Variants in SEPTIN14 observed in about 807,000 individuals in gnomAD.
The protein encoded by SEPTIN14 is septin-14.
Under a neutral mutation model 53.6 loss-of-function variants are expected in SEPTIN14, and 40 were observed. The observed-to-expected ratio is 0.75, with a 90% CI of 0.58 to 0.97. SEPTIN14 has a LOEUF of 0.97. Ranked by LOEUF, SEPTIN14 falls within the 50% of genes least tolerant of loss-of-function variation. SEPTIN14 has a pLI of 0.00. For missense variants in SEPTIN14, 471 were observed against 508.2 expected (o/e 0.93, Z 0.70); for synonymous variants, 138 against 166.8 (o/e 0.83, Z 1.33).
chr7:55,820,392 A>C (rs1345835457), intron 6 of SEPTIN14, among the ~76,000 whole-genome samples: 2 of 152,246 alleles, frequency 1.3e-5, no homozygotes, highest in East Asian at 3.8e-4. Flanking sequence ...GGTGTAAATT[A>C]TAAGAAAAGA....
chr7:55,834,313 A>G (rs1383364997), intron 6 of SEPTIN14, 112 bp downstream of exon 6: 1 of 680,374 alleles, frequency 1.5e-6, no homozygotes, highest in Non-Finnish European at 2.3e-6. Flanking sequence ...TTTACAAAGA[A>G]TCGATTCTCA....
At chr7:55,836,126 G>C (rs752586647) in intron 5 of SEPTIN14, among the ~76,000 whole-genome samples, 6 of 152,086 alleles carry the variant, frequency 3.9e-5, no homozygotes, top group Non-Finnish European at 8.8e-5. Flanking sequence ...AAACAAATAT[G>C]TTCATTTTTC....
intron 2 of SEPTIN14, among the ~76,000 whole-genome samples, chr7:55,860,125 G>A (rs770562214): frequency 1.3e-4 from 20 of 151,206 alleles, no homozygotes; most frequent in South Asian, 8.4e-4. Context: ...GTTGCAGTGA[G>A]CTGAGATCAT....
Position 55,819,130 on chromosome 7 carries a change from G to A in SEPTIN14, c.814C>T (p.Gln272Ter), listed in dbSNP as rs751720698. Residue 272 changes from glutamine (Q) to a stop codon, truncating the protein, a stop_gained, in exon 7 of 10, where the codon CAA (glutamine) becomes TAA (stop). Coordinates refer to ENST00000388975, the MANE Select transcript of SEPTIN14 (RefSeq NM_207366.3). LOFTEE classifies it high-confidence loss of function. ...RGRHYPWGVLQVENENHCDFV... is the reference protein window; with the variant it reads ...RGRHYPWGVL ...GCCTGCCCTCTGTCATTTTTACCTTGCAAAACTCCCCAAGGGTAGTGACGG... is the reference window on the plus strand; with the variant it reads ...GCCTGCCCTCTGTCATTTTTACCTTACAAAACTCCCCAAGGGTAGTGACGG... The A allele has an allele frequency of 2.6e-6, 4 of 1,565,686 alleles. No individual in the cohort carries two copies. Among genetic ancestry groups the A allele is most frequent in the Admixed American group, 1.8e-5 (1 of 54,166 alleles).
Position 55,844,701 on chromosome 7 carries a change from T to A in SEPTIN14, c.193A>T (p.Lys65Ter). The change falls in exon 4 of 10, where the codon AAA becomes TAA. Residue 65 changes from lysine to a stop codon, truncating the protein, a stop_gained. Transcript: ENST00000388975. LOFTEE classifies it high-confidence loss of function. The stretch of plus-strand genomic sequence containing the variant: ...AACAATGTGTCTATCAGTGTCGATT[T>A]TCCAATTCCAGTCTCCCCTGTAATA... ...ILCVGETGIG[K>*]STLIDTLFNT... The A allele has an allele frequency of 1.9e-6, 3 of 1,587,034 alleles. No individual in the cohort carries two copies. The highest frequency in any genetic ancestry group is 2.6e-6 in the Non-Finnish European group (3 of 1,161,988).
rs1045902554 is a variant in SEPTIN14, at chr7:55,801,876, G to A, written c.1119+3382C>T. Among the ~76,000 whole-genome samples the A allele has an allele frequency of 7.2e-5, 11 of 151,998 alleles. 1 individual carries two copies. The highest frequency in any genetic ancestry group is 2.2e-4 in the African/African-American group (9 of 41,372). Reference sequence around the variant, plus strand: ...GTGGAAGTTGCAATGAGCTGAGATCGTGCCACTTCACTCCAGCCTGGGTGA... The same window carrying A: ...GTGGAAGTTGCAATGAGCTGAGATCATGCCACTTCACTCCAGCCTGGGTGA... On this transcript the variant is annotated intron_variant, in intron 9 of 9. Transcript: ENST00000388975.
chr7:55,856,485 A>G (rs949378512), intron 2 of SEPTIN14, among the ~76,000 whole-genome samples: 24 of 151,214 alleles, frequency 1.6e-4, no homozygotes, highest in African/African-American at 5.8e-4. Context: ...TCCGCCTCCC[A>G]GGTTCAAGCG....
chr7:55,814,087 T>C (rs1056765361), intron 7 of SEPTIN14, among the ~76,000 whole-genome samples: 3 of 152,196 alleles, frequency 2.0e-5, no homozygotes, highest in Non-Finnish European at 2.9e-5. Flanking sequence ...TGAGAGATTC[T>C]GCCTCATAAT....
chr7:55,833,684 G>A (rs535897055), intron 6 of SEPTIN14, among the ~76,000 whole-genome samples: 2 of 152,152 alleles, frequency 1.3e-5, no homozygotes, highest in South Asian at 4.1e-4. Flanking sequence ...CTCCAGCTTG[G>A]GCAACAGAGT....
At chr7:55,822,721 C>T (rs1788917680) in intron 6 of SEPTIN14, among the ~76,000 whole-genome samples, 1 of 152,082 alleles carries the variant, frequency 6.6e-6, no homozygotes, top group Admixed American at 6.6e-5. Flanking sequence ...TACAAACAGA[C>T]CTTACATATT....
chr7:55,834,563 G>A lies in SEPTIN14; in HGVS notation c.582C>T (p.Ala194=). 1 of 1,608,124 alleles carries A rather than the reference G, an allele frequency of 6.2e-7. No homozygotes were observed. Among genetic ancestry groups the A allele is most frequent in the Non-Finnish European group, 8.5e-7 (1 of 1,175,776 alleles). Residue 194 remains alanine, a synonymous_variant, in exon 6 of 10, where the codon GCC becomes GCT. Coordinates refer to ENST00000388975, the MANE Select transcript of SEPTIN14 (RefSeq NM_207366.3). ...CATTTTTAGAAATAGTGTCTGCTTTGGCAATCAGTGGTATAATATTCACCT... is the reference window on the plus strand; with the variant it reads ...CATTTTTAGAAATAGTGTCTGCTTTAGCAATCAGTGGTATAATATTCACCT... ...DSKVNIIPLI[A]KADTISKNDL...
intron 9 of SEPTIN14, among the ~76,000 whole-genome samples, chr7:55,802,715 A>G (rs1788542636): frequency 6.6e-6 from 1 of 152,164 alleles, no homozygotes; most frequent in Non-Finnish European, 1.5e-5. Flanking sequence ...CAAACTCCAA[A>G]GCATAGACAA....
chr7:55,841,728 G>A (rs1789314999), intron 5 of SEPTIN14, among the ~76,000 whole-genome samples: 1 of 152,072 alleles, frequency 6.6e-6, no homozygotes, highest in South Asian at 2.1e-4. Context: ...GGTGGCACAT[G>A]CCTGTAATCT....
chr7:55,843,124 G>A lies in SEPTIN14; in HGVS notation c.376C>T (p.Gln126Ter). Reference protein sequence around the residue: ...GDQIDKEASYQPIVDYIDAQF... With the variant: ...GDQIDKEASY ...GCATCTATGTAGTCAACTATTGGTT[G>A]GTAGCTAAAAAAAAATTTATACATT... Residue 126 changes from glutamine (Q) to a stop codon, truncating the protein, a stop_gained, in exon 5 of 10, where the codon CAA becomes TAA. Coordinates refer to ENST00000388975, the MANE Select transcript of SEPTIN14 (RefSeq NM_207366.3). LOFTEE classifies it high-confidence loss of function. The A allele has an allele frequency of 6.4e-7, 1 of 1,558,340 alleles. No individual in the cohort carries two copies. The highest frequency in any genetic ancestry group is 8.6e-7 in the Non-Finnish European group (1 of 1,159,046).
At chr7:55,827,159 G>A (rs144979463) in intron 6 of SEPTIN14, among the ~76,000 whole-genome samples, 88 of 152,318 alleles carry the variant, frequency 5.8e-4, no homozygotes, top group African/African-American at 2.0e-3. Flanking sequence ...ATTGGCACAT[G>A]ATCGCTCTCT....
intron 6 of SEPTIN14, among the ~76,000 whole-genome samples, chr7:55,822,504 G>A (rs1423343690): frequency 6.6e-6 from 1 of 151,302 alleles, no homozygotes; most frequent in Non-Finnish European, 1.5e-5. Context: ...AGGATTCACT[G>A]CAAAGCCATA....
At chr7:55,861,860 C>G in intron 2 of SEPTIN14, 83 bp downstream of exon 2, 1 of 820,544 alleles carries the variant, frequency 1.2e-6, no homozygotes, top group Non-Finnish European at 1.9e-6. Flanking sequence ...ATGCCTACAT[C>G]AGTTTTCCAA....
At chr7:55,857,743 A>G (rs1229138995) in intron 2 of SEPTIN14, among the ~76,000 whole-genome samples, 1 of 150,332 alleles carries the variant, frequency 6.7e-6, no homozygotes, top group African/African-American at 2.5e-5. Context: ...GCCCGCCACC[A>G]CGCCCGGCTA....
intron 2 of SEPTIN14, among the ~76,000 whole-genome samples, chr7:55,857,284 A>C (rs935717037): frequency 3.2e-4 from 49 of 151,526 alleles, no homozygotes; most frequent in African/African-American, 1.2e-3. Context: ...AGGCAGGAGA[A>C]TCACTTGAAC....
Sources: allele counts gnomAD v4.1 joint callset (sites outside exome capture counted in the v4.1 genomes callset), GRCh38; gene constraint gnomAD v4.1.1; transcripts MANE v1.5; gene names NCBI Gene and HGNC (gene_info 2026-07-23, HGNC 2026-07-21).